Variants in CACHD1 observed in about 807,000 individuals in gnomAD.
CACHD1 encodes VWFA and cache domain-containing protein 1.
In CACHD1, 71 loss-of-function variants were observed where a neutral mutation model predicts 138.7. That is an observed-to-expected ratio of 0.51 (90% CI 0.42 to 0.62). CACHD1 has a LOEUF of 0.62. Among genes scored for constraint, CACHD1 ranks in the 20% least tolerant of loss-of-function variants. CACHD1 has a pLI of 0.00. For synonymous variants in CACHD1, 578 were observed against 591.5 expected, an observed-to-expected ratio of 0.98 and a Z score of 0.33; for missense variants, 1,389 against 1,625.3, an observed-to-expected ratio of 0.85 and a Z score of 2.50.
At chr1:64,537,591 G>T (rs566850195) in intron 1 of CACHD1, among the ~76,000 whole-genome samples, 1 of 152,182 alleles carries the variant, frequency 6.6e-6, no homozygotes, top group Non-Finnish European at 1.5e-5. Context: ...TCCTGAAAAT[G>T]TATAGCTTTG....
At chr1:64,482,055 G>C (rs191332725) in intron 1 of CACHD1, among the ~76,000 whole-genome samples, 2 of 152,236 alleles carry the variant, frequency 1.3e-5, no homozygotes, top group African/African-American at 4.8e-5. Context: ...TGATATAAAT[G>C]TATAATATTT....
At chr1:64,519,312 G>A (rs1646480870) in intron 1 of CACHD1, among the ~76,000 whole-genome samples, 1 of 152,160 alleles carries the variant, frequency 6.6e-6, no homozygotes, top group Admixed American at 6.5e-5. Flanking sequence ...GGTTGAGGTA[G>A]TGGAGCCTTT....
chr1:64,561,839 C>G (rs543980872), intron 2 of CACHD1, among the ~76,000 whole-genome samples: 54 of 126,756 alleles, frequency 4.3e-4, no homozygotes, highest in African/African-American at 1.4e-3. Flanking sequence ...GTCTGGGGAA[C>G]AGAGCAAGAC....
chr1:64,509,714 A>G (rs1293206162), intron 1 of CACHD1, among the ~76,000 whole-genome samples: 1 of 152,224 alleles, frequency 6.6e-6, no homozygotes, highest in African/African-American at 2.4e-5. Context: ...AGTAGATTTT[A>G]TGATATTTTT....
chr1:64,557,715 A>G (rs1417430846), intron 2 of CACHD1, among the ~76,000 whole-genome samples: 1 of 151,836 alleles, frequency 6.6e-6, no homozygotes, highest in African/African-American at 2.4e-5. Context: ...TTGAGTCACA[A>G]CCCATCAAAA....
chr1:64,574,386 A>G (rs1204528699), intron 2 of CACHD1, among the ~76,000 whole-genome samples: 1 of 152,168 alleles, frequency 6.6e-6, no homozygotes, highest in Non-Finnish European at 1.5e-5. Flanking sequence ...GAGTAAGGTC[A>G]TTATTAGAGT....
At chr1:64,580,608 A>G (rs1647004154) in intron 2 of CACHD1, among the ~76,000 whole-genome samples, 1 of 152,174 alleles carries the variant, frequency 6.6e-6, no homozygotes, top group Non-Finnish European at 1.5e-5. Flanking sequence ...ATAAAATGTG[A>G]ATTTTTTGCT....
intron 1 of CACHD1, among the ~76,000 whole-genome samples, chr1:64,496,379 T>C (rs964248172): frequency 7.9e-5 from 12 of 152,194 alleles, no homozygotes; most frequent in African/African-American, 2.9e-4. Context: ...CTAGTCATCT[T>C]TGAGGTAGGA....
At chr1:64,684,438 A>T (rs1311662316) in intron 26 of CACHD1, among the ~76,000 whole-genome samples, 2 of 149,558 alleles carry the variant, frequency 1.3e-5, no homozygotes, top group Admixed American at 1.3e-4. Context: ...TGAAATGTAA[A>T]AATTTTTAAA....
chr1:64,480,692 T>G (rs1445185649), intron 1 of CACHD1, among the ~76,000 whole-genome samples: 1 of 152,026 alleles, frequency 6.6e-6, no homozygotes, highest in African/African-American at 2.4e-5. Context: ...TTTTTTTTAC[T>G]GAAAAGGTAA....
chr1:64,692,798 A>C lies in CACHD1; in HGVS notation c.*1237A>C, dbSNP rs922543840. ...TTTTAATTACAGTGATGTATTTTAG[A>C]CTCACATTTTGTGATTCAAATATGT... On this transcript the variant is annotated 3_prime_UTR_variant, in exon 27 of 27. Transcript: ENST00000651257. The C allele has an allele frequency of 6.6e-6, 1 of 152,382 alleles. No homozygotes were observed. The highest frequency in any genetic ancestry group is 2.4e-5 in the African/African-American group (1 of 41,438). 9.4% of individuals were successfully genotyped at this position (152,382 alleles called of 1,614,324 possible). A position where few individuals can be genotyped will look rare whatever the true frequency, so the allele number is the denominator to read the frequency against.
intron 1 of CACHD1, among the ~76,000 whole-genome samples, chr1:64,548,862 T>C (rs1646737662): frequency 6.6e-6 from 1 of 152,236 alleles, no homozygotes; most frequent in Admixed American, 6.5e-5. Flanking sequence ...ATAGGGATTG[T>C]TGATCTGCAT....
chr1:64,518,916 G>A (rs1646478219), intron 1 of CACHD1, among the ~76,000 whole-genome samples: 1 of 152,112 alleles, frequency 6.6e-6, no homozygotes, highest in African/African-American at 2.4e-5. Context: ...TTGTGTTCTA[G>A]AACCCCATAG....
At chr1:64,636,392 C>T (rs1194057279) in intron 7 of CACHD1, among the ~76,000 whole-genome samples, 1 of 152,172 alleles carries the variant, frequency 6.6e-6, no homozygotes, top group Non-Finnish European at 1.5e-5. Flanking sequence ...CATTTGTTAT[C>T]TCACAGTTTT....
At chr1:64,506,236 T>G (rs569186748) in intron 1 of CACHD1, 3 of 152,326 alleles carry the variant, frequency 2.0e-5, no homozygotes, top group East Asian at 3.9e-4. Context: ...GCACTGCCGC[T>G]GTGCTTGGCG....
At chr1:64,672,653 AACATATCTTCC>A (rs1369676549) in intron 17 of CACHD1, among the ~76,000 whole-genome samples, 1 of 152,194 alleles carries the variant, frequency 6.6e-6, no homozygotes, top group Non-Finnish European at 1.5e-5. Context: ...GGGGTCTTGG[AACATATCTTCC>A]ACAGATAAGG....
intron 3 of CACHD1, among the ~76,000 whole-genome samples, chr1:64,588,306 G>A (rs1448448246): frequency 6.6e-6 from 1 of 152,078 alleles, no homozygotes; most frequent in Non-Finnish European, 1.5e-5. Context: ...ACTAAGAATA[G>A]CTATCCCTGA....
At chr1:64,517,155 A>T (rs182039513) in intron 1 of CACHD1, among the ~76,000 whole-genome samples, 131 of 152,334 alleles carry the variant, frequency 8.6e-4, no homozygotes, top group Admixed American at 1.3e-3. Flanking sequence ...CATCTCGTTT[A>T]TTCAACAAAT....
chr1:64,633,534 G>A (rs576744445), intron 6 of CACHD1, among the ~76,000 whole-genome samples: 7 of 152,246 alleles, frequency 4.6e-5, no homozygotes, highest in East Asian at 1.9e-4. Flanking sequence ...AGGGAAAGCC[G>A]CTAGTGGCTG....
Sources: allele counts gnomAD v4.1 joint callset (sites outside exome capture counted in the v4.1 genomes callset), GRCh38; gene constraint gnomAD v4.1.1; transcripts MANE v1.5; gene names NCBI Gene and HGNC (gene_info 2026-07-23, HGNC 2026-07-21).